The following XKR7 variants were observed in gnomAD, a reference collection of about 807,000 sequenced individuals.
XKR7 encodes XK related 7.
XKR7 carries 11 observed loss-of-function variants against 42.2 expected under a neutral mutation model. The ratio of observed to expected loss-of-function variants is 0.26; its 90% confidence interval spans 0.16 to 0.43. XKR7 has a LOEUF of 0.43. Among genes scored for constraint, XKR7 ranks in the 20% least tolerant of loss-of-function variants. The pLI is 1.00. For synonymous variants in XKR7, 346 were observed against 366.4 expected (o/e 0.94, Z 0.64); for missense variants, 710 against 802.2 (o/e 0.89, Z 1.39).
chr20:31,976,346 T>C (rs368008452), intron 1 of XKR7, among the ~76,000 whole-genome samples: 7 of 152,218 alleles, frequency 4.6e-5, no homozygotes, highest in Non-Finnish European at 8.8e-5. Context: ...ATGTATTGTT[T>C]AGAGAAGCAG....
chr20:31,981,841 C>A (rs940980144), intron 1 of XKR7, among the ~76,000 whole-genome samples: 2 of 152,238 alleles, frequency 1.3e-5, no homozygotes, highest in African/African-American at 4.8e-5. Context: ...CTGCTCCCTC[C>A]CACTTCAGGA....
intron 1 of XKR7, chr20:31,970,476 C>A (rs2064460026): frequency 6.6e-6 from 1 of 152,198 alleles, no homozygotes; most frequent in South Asian, 2.1e-4. Flanking sequence ...TCTATGGTTT[C>A]TTGGATATGG....
intron 1 of XKR7, among the ~76,000 whole-genome samples, chr20:31,977,849 G>A (rs1313605309): frequency 6.6e-6 from 1 of 152,234 alleles, no homozygotes; most frequent in African/African-American, 2.4e-5. Context: ...CACATCAGCA[G>A]AGGTGTCCAG....
At chr20:31,996,459 GCCC>G in intron 2 of XKR7, 43 bp from the exon 3 acceptor site, 1 of 261,528 alleles carries the variant, frequency 3.8e-6, no homozygotes. Flanking sequence ...CCCAACCCGA[GCCC>G]GCCCCTAACC....
intron 2 of XKR7, 44 bp from the exon 3 acceptor site, chr20:31,996,461 C>T (rs2064591805): frequency 2.3e-6 from 1 of 429,390 alleles, no homozygotes; most frequent in Non-Finnish European, 4.0e-6. Context: ...CAACCCGAGC[C>T]CGCCCCTAAC....
chr20:31,971,985 T>A (rs2064467685), intron 1 of XKR7, among the ~76,000 whole-genome samples: 1 of 152,242 alleles, frequency 6.6e-6, no homozygotes, highest in African/African-American at 2.4e-5. Context: ...CTAATTAAAA[T>A]GTTTAAAAAT....
At chr20:31,973,892 G>C (rs58435716) in intron 1 of XKR7, among the ~76,000 whole-genome samples, 4 of 152,068 alleles carry the variant, frequency 2.6e-5, no homozygotes, top group Non-Finnish European at 5.9e-5. Flanking sequence ...TCTGGCTGCT[G>C]GGTGGGGAAT....
intron 1 of XKR7, among the ~76,000 whole-genome samples, chr20:31,988,868 C>A (rs1022898880): frequency 6.6e-6 from 1 of 152,114 alleles, no homozygotes; most frequent in Non-Finnish European, 1.5e-5. Flanking sequence ...AGCAGAGAAA[C>A]CCCAGAGCCC....
chr20:32,000,690 T>A lies in XKR7; in HGVS notation c.*3233T>A, dbSNP rs1008260044. 1 of 152,304 alleles carries A rather than the reference T, an allele frequency of 6.6e-6. No homozygotes were observed. Among genetic ancestry groups the A allele is most frequent in the Admixed American group, 6.5e-5 (1 of 15,302 alleles). The allele number at this position is 152,304 out of a possible 1,614,324, so 9.4% of individuals were successfully genotyped here. On this transcript the variant is annotated 3_prime_UTR_variant, in exon 3 of 3. Coordinates refer to ENST00000562532, the MANE Select transcript of XKR7 (RefSeq NM_001011718.2). ...TAACCCCAGGAGACCAGTGTCCCCA[T>A]CTCCAGGGCAGACTTCTGTCTACCT...
In XKR7 at chr20:31,996,570, C is replaced by T. The variant is rs750782564; in HGVS notation, c.853C>T (p.Arg285Trp). The change falls in exon 3 of 3, where the codon CGG (arginine) becomes TGG (tryptophan). Residue 285 changes from arginine to tryptophan, a missense_variant. Around this residue, in one of 2 missense-constraint regions of XKR7, gnomAD observed 708 missense variants for 786.2 expected, o/e 0.90. Transcript: ENST00000562532. ...GCTGGCCTCCTACCAGAAGGTGCTGCGGGACTCGCGGGACGACAAGCGGCC... is the reference window on the plus strand; with the variant it reads ...GCTGGCCTCCTACCAGAAGGTGCTGTGGGACTCGCGGGACGACAAGCGGCC... ...WTLASYQKVL[R>W]DSRDDKRPLS... 1.3e-6 allele frequency: 2 copies of T among 1,527,324 alleles called. No homozygotes were observed. The highest frequency in any genetic ancestry group is 1.8e-6 in the Non-Finnish European group (2 of 1,141,604). 94.6% of individuals were successfully genotyped at this position (1,527,324 alleles called of 1,614,324 possible). A position where few individuals can be genotyped will look rare whatever the true frequency, so the allele number is the denominator to read the frequency against.
Position 31,998,124 on chromosome 20 carries a change from A to G in XKR7, c.*667A>G. 9.9e-6 allele frequency: 1 copy of G among 100,552 alleles called. No homozygotes were observed. The highest frequency in any genetic ancestry group is 1.9e-5 in the Non-Finnish European group (1 of 51,306). 6.2% of individuals were successfully genotyped at this position (100,552 alleles called of 1,614,324 possible). ...TGGCAGAAGCATGGAGGGGTGGAAG[A>G]CTTGGGGGAGGGGAACCTGCAATCC... On this transcript the variant is annotated 3_prime_UTR_variant, in exon 3 of 3. Transcript: ENST00000562532.
rs2064508650 is a variant in XKR7 at position 31,980,838 on chromosome 20, A to G, written c.584+12079A>G. Among the ~76,000 whole-genome samples the G allele has an allele frequency of 4.6e-5, 7 of 151,774 alleles. No individual in the cohort carries two copies. In the South Asian group the frequency reaches 1.5e-3, roughly 32 times the overall value. The stretch of plus-strand genomic sequence containing the variant: ...GCACTTTGGGAGGCCAAGGCAGGAG[A>G]ATTGCCTGAGCTCAGGAGTTCGAGA... On this transcript the variant is annotated intron_variant, in intron 1 of 2. Coordinates refer to ENST00000562532, the MANE Select transcript of XKR7 (RefSeq NM_001011718.2).
rs1299592259 is a variant in XKR7 at position 31,999,123 on chromosome 20, ATCC to A, written c.*1668_*1670del. The A allele has an allele frequency of 6.7e-6, 1 of 149,958 alleles. No homozygotes were observed. Among genetic ancestry groups the A allele is most frequent in the East Asian group, 2.0e-4 (1 of 5,052 alleles). 9.3% of individuals were successfully genotyped at this position (149,958 alleles called of 1,614,324 possible). Reference sequence around the variant, plus strand: ...GATGTTAAGGACAGATGCCAACCTGATCCTGGAGTGAGGTGGGCCATGAGAATC... The same window carrying A: ...GATGTTAAGGACAGATGCCAACCTGATGGAGTGAGGTGGGCCATGAGAATC... On this transcript the variant is annotated 3_prime_UTR_variant, in exon 3 of 3. Transcript: ENST00000562532.
chr20:31,981,002 C>T (rs950328789), intron 1 of XKR7, among the ~76,000 whole-genome samples: 2 of 151,446 alleles, frequency 1.3e-5, no homozygotes, highest in African/African-American at 4.9e-5. Context: ...GAGGTCGAGG[C>T]CGCAATGAGC....
chr20:31,982,082 C>T (rs867302614), intron 1 of XKR7, among the ~76,000 whole-genome samples: 13 of 152,216 alleles, frequency 8.5e-5, no homozygotes, highest in African/African-American at 3.1e-4. Flanking sequence ...ATGGAACATG[C>T]TTGTTGTTAC....
Position 31,997,506 on chromosome 20 carries a change from C to G in XKR7, c.*49C>G, listed in dbSNP as rs58631939. 6.6e-7 allele frequency: 1 copy of G among 1,508,026 alleles called. No individual in the cohort carries two copies. The highest frequency in any genetic ancestry group is 8.9e-7 in the Non-Finnish European group (1 of 1,121,490). The allele number at this position is 1,508,026 out of a possible 1,614,324, so 93.4% of individuals were successfully genotyped here. On this transcript the variant is annotated 3_prime_UTR_variant, in exon 3 of 3. Transcript: ENST00000562532. ...GGACAGGCTTGGCTGATCCCACATC[C>G]GCCGCAGTGTTGTGCCCCGAATTTC...
intron 1 of XKR7, among the ~76,000 whole-genome samples, chr20:31,977,159 G>A (rs779105587): frequency 6.6e-6 from 1 of 152,230 alleles, no homozygotes; most frequent in Non-Finnish European, 1.5e-5. Context: ...CCCTGGGTTG[G>A]GTTCCCAGAA....
In XKR7 at chr20:31,995,244, G is replaced by C. The variant is rs1244397672; in HGVS notation, c.761G>C (p.Arg254Pro). The C allele has an allele frequency of 6.5e-7, 1 of 1,538,938 alleles. No homozygotes were observed. The highest frequency in any genetic ancestry group is 2.0e-5 in the Admixed American group (1 of 50,888). ...LVLQLSLLVH[R>P]GGAPDLLPAL... is the part of the protein sequence containing the mutation. ...CTGCAGCTCAGCCTGCTGGTGCACC[G>C]CGGTGGCGCGCCCGACCTGCTGCCG... The change falls in exon 2 of 3, where the codon CGC becomes CCC. Residue 254 changes from arginine (R) to proline (P), a missense_variant. Arg to Pro is a moderately radical substitution (Grantham distance 103). Around this residue, in one of 2 missense-constraint regions of XKR7, gnomAD observed 708 missense variants for 786.2 expected, o/e 0.90. Coordinates refer to ENST00000562532, the MANE Select transcript of XKR7 (RefSeq NM_001011718.2). The surrounding 1 kb of genome is among the most constrained non-coding windows in gnomAD (Gnocchi z 4.1).
chr20:31,990,720 T>C (rs1349613545), intron 1 of XKR7, among the ~76,000 whole-genome samples: 1 of 152,246 alleles, frequency 6.6e-6, no homozygotes, highest in Non-Finnish European at 1.5e-5. Context: ...TTTGCACACA[T>C]TTAATTAAAC....
Sources: allele counts gnomAD v4.1 joint callset (sites outside exome capture counted in the v4.1 genomes callset), GRCh38; gene constraint gnomAD v4.1.1; regional missense constraint gnomAD v4.1.1; non-coding constraint Gnocchi (gnomAD v3.1); transcripts MANE v1.5; gene names NCBI Gene and HGNC (gene_info 2026-07-23, HGNC 2026-07-21).